Variants in PDSS2 observed in about 807,000 individuals in gnomAD.
PDSS2 encodes decaprenyl diphosphate synthase subunit 2.
Under a neutral mutation model 44.5 loss-of-function variants are expected in PDSS2, and 31 were observed. The ratio of observed to expected loss-of-function variants is 0.70; its 90% confidence interval spans 0.52 to 0.94. The LOEUF is 0.94. Ranked by LOEUF, PDSS2 falls within the 40% of genes least tolerant of loss-of-function variation. The pLI is 0.00. For synonymous variants in PDSS2, 157 were observed against 180.3 expected (o/e 0.87, Z 1.03); for missense variants, 452 against 482.2 (o/e 0.94, Z 0.59).
chr6:107,431,528 C>T (rs557980373), intron 1 of PDSS2, among the ~76,000 whole-genome samples: 11 of 152,218 alleles, frequency 7.2e-5, no homozygotes, highest in Admixed American at 2.0e-4. Flanking sequence ...GGATTACAGG[C>T]GTGAGCCACT....
At chr6:107,256,152 G>A (rs138414074) in intron 3 of PDSS2, among the ~76,000 whole-genome samples, 4,427 of 152,022 alleles carry the variant, frequency 0.029, 211 homozygotes, top group African/African-American at 0.1. Flanking sequence ...CACCATGCCC[G>A]GCTAATTTTC....
In PDSS2 at chr6:107,459,004, C is replaced by CA; in HGVS notation, c.281dup (p.Leu95AlafsTer10). 1 of 1,614,072 alleles carries CA rather than the reference C, an allele frequency of 6.2e-7. No individual in the cohort carries two copies. The highest frequency in any genetic ancestry group is 8.5e-7 in the Non-Finnish European group (1 of 1,180,002). On this transcript the variant is annotated frameshift_variant, in exon 1 of 8. Transcript: ENST00000369037. LOFTEE classifies it high-confidence loss of function. This position sits in a 1 kb window ranked among gnomAD's most constrained non-coding sequence, Gnocchi z 4.3. ...GGGTAGCTCACCTGGCTGTGGTAAGCAGAGGGTGCTGAGTGCCCACCAGCT... is the reference window on the plus strand; with the variant it reads ...GGGTAGCTCACCTGGCTGTGGTAAGCAAGAGGGTGCTGAGTGCCCACCAGCT...
intron 2 of PDSS2, among the ~76,000 whole-genome samples, chr6:107,326,844 T>C (rs542789197): frequency 6.6e-6 from 1 of 150,994 alleles, no homozygotes; most frequent in Non-Finnish European, 1.5e-5. Flanking sequence ...AGAGCAGGGC[T>C]CTGTCTCAAA....
chr6:107,384,682 A>G (rs1779558401), intron 1 of PDSS2, among the ~76,000 whole-genome samples: 1 of 151,850 alleles, frequency 6.6e-6, no homozygotes, highest in Admixed American at 6.6e-5. Context: ...AAAACCCACT[A>G]AACTGTATAC....
At chr6:107,396,457 C>G (rs531416982) in intron 1 of PDSS2, among the ~76,000 whole-genome samples, 1 of 152,124 alleles carries the variant, frequency 6.6e-6, no homozygotes, top group East Asian at 1.9e-4. Flanking sequence ...TACCTGTTAT[C>G]CCATATATGA....
chr6:107,357,503 A>G lies in PDSS2; in HGVS notation c.297-23171T>C, dbSNP rs1323837956. Among the ~76,000 whole-genome samples, 5 of 152,288 alleles carry G rather than the reference A, an allele frequency of 3.3e-5. No individual in the cohort carries two copies. In the East Asian group the frequency reaches 9.6e-4, roughly 29 times the overall value. On this transcript the variant is annotated intron_variant, in intron 1 of 7. Coordinates refer to ENST00000369037, the MANE Select transcript of PDSS2 (RefSeq NM_020381.4). ...ATTAAACTTTATTTGAATGTAAAAA[A>G]AAATTGATGAATGACCTTTTATCTT...
chr6:107,363,645 C>T (rs953742649), intron 1 of PDSS2, among the ~76,000 whole-genome samples: 1 of 152,210 alleles, frequency 6.6e-6, no homozygotes, highest in African/African-American at 2.4e-5. Flanking sequence ...AAAGCTCCCA[C>T]GGTGTGGAAG....
At chr6:107,229,551 G>C (rs1423838073) in intron 4 of PDSS2, among the ~76,000 whole-genome samples, 1 of 152,150 alleles carries the variant, frequency 6.6e-6, no homozygotes. Context: ...TTGGTAGGGT[G>C]AATTAGCTTC....
intron 2 of PDSS2, among the ~76,000 whole-genome samples, chr6:107,277,671 G>A (rs190459998): frequency 3.5e-4 from 54 of 152,266 alleles, no homozygotes; most frequent in Non-Finnish European, 6.6e-4. Flanking sequence ...AGAATAATCA[G>A]GCCAGGCGCG....
chr6:107,424,571 T>C (rs1419649306), intron 1 of PDSS2, among the ~76,000 whole-genome samples: 1 of 152,184 alleles, frequency 6.6e-6, no homozygotes, highest in Non-Finnish European at 1.5e-5. Context: ...CTATCCTTTG[T>C]CTTACTTACA....
At chr6:107,421,117 G>T (rs2114701168) in intron 1 of PDSS2, among the ~76,000 whole-genome samples, 1 of 152,202 alleles carries the variant, frequency 6.6e-6, no homozygotes, top group South Asian at 2.1e-4. Flanking sequence ...TAGGCATTAA[G>T]GAAATTAAAG....
intron 2 of PDSS2, among the ~76,000 whole-genome samples, chr6:107,318,773 G>A (rs1477129594): frequency 6.6e-6 from 1 of 152,064 alleles, no homozygotes; most frequent in Admixed American, 6.6e-5. Context: ...GATTGCCTGA[G>A]CTCAGGAGTT....
intron 3 of PDSS2, among the ~76,000 whole-genome samples, chr6:107,254,344 T>A (rs1279836229): frequency 6.6e-6 from 1 of 152,118 alleles, no homozygotes; most frequent in Non-Finnish European, 1.5e-5. Flanking sequence ...AAAATAATTT[T>A]TTTTAAAGAT....
At chr6:107,302,671 T>G (rs2500591) in intron 2 of PDSS2, among the ~76,000 whole-genome samples, 136,950 of 151,912 alleles carry the variant, frequency 0.9, 62,784 homozygotes, top group Non-Finnish European at 0.98. Context: ...CACAATTATT[T>G]AATGGCCTAC....
intron 1 of PDSS2, among the ~76,000 whole-genome samples, chr6:107,349,860 A>T (rs1050320807): frequency 1.3e-5 from 2 of 152,232 alleles, no homozygotes; most frequent in African/African-American, 4.8e-5. Context: ...TTCAGATCCA[A>T]TTCAAGTTTC....
intron 3 of PDSS2, among the ~76,000 whole-genome samples, chr6:107,261,290 A>G (rs1408324448): frequency 6.6e-6 from 1 of 152,190 alleles, no homozygotes; most frequent in Non-Finnish European, 1.5e-5. Context: ...TGTTTGGATC[A>G]TGGGGGCAGA....
At chr6:107,329,665 T>G (rs890395784) in intron 2 of PDSS2, among the ~76,000 whole-genome samples, 3 of 152,198 alleles carry the variant, frequency 2.0e-5, no homozygotes, top group Admixed American at 2.0e-4. Flanking sequence ...GGTTAGGACT[T>G]CAACACATGA....
At chr6:107,271,209 C>T (rs1461430875) in intron 3 of PDSS2, among the ~76,000 whole-genome samples, 1 of 152,084 alleles carries the variant, frequency 6.6e-6, no homozygotes, top group East Asian at 1.9e-4. Flanking sequence ...TGTCAACAAA[C>T]ATTTTGTTCA....
intron 1 of PDSS2, among the ~76,000 whole-genome samples, chr6:107,432,573 T>C (rs564334794): frequency 3.0e-4 from 45 of 152,208 alleles, no homozygotes; most frequent in African/African-American, 9.9e-4. Flanking sequence ...GGCGGATCAC[T>C]TGAGGCCAGG....
Sources: gnomAD v4.1 joint callset for allele counts (sites outside exome capture counted in the v4.1 genomes callset) on GRCh38, gnomAD v4.1.1 for gene constraint, Gnocchi (gnomAD v3.1) non-coding constraint, MANE v1.5 for transcripts, NCBI Gene and HGNC (gene_info 2026-07-23, HGNC 2026-07-21) for gene names.